Variants in REXO2 observed in about 807,000 individuals in gnomAD.
REXO2 encodes the protein RNA exonuclease 2, also known as oligoribonuclease, mitochondrial.
A neutral mutation model predicts 30.9 loss-of-function variants in REXO2; 17 were observed. The ratio of observed to expected loss-of-function variants is 0.55; its 90% confidence interval spans 0.38 to 0.82. The LOEUF (loss-of-function observed/expected upper bound fraction) is 0.82. Ranked by LOEUF, REXO2 falls within the 40% of genes least tolerant of loss-of-function variation. The pLI is 0.00. For synonymous variants in REXO2, 105 were observed against 99.6 expected (o/e 1.05, Z -0.32); for missense variants, 253 against 293.2 (o/e 0.86, Z 1.00).
chr11:114,440,220 A>G (rs1235817770), intron 1 of REXO2: 1 of 444,438 alleles, frequency 2.3e-6, no homozygotes, highest in Non-Finnish European at 4.5e-6. Context: ...CATGCCCGAA[A>G]CAAGGGCTCC....
At chr11:114,441,803 T>C in intron 2 of REXO2, 1 of 702,100 alleles carries the variant, frequency 1.4e-6, no homozygotes, top group Non-Finnish European at 2.6e-6. Flanking sequence ...GTACCAGGCT[T>C]ATCCTCCCCA....
chr11:114,444,829 A>G (rs1381216488), intron 4 of REXO2, among the ~76,000 whole-genome samples, 177 bp downstream of exon 4: 2 of 152,184 alleles, frequency 1.3e-5, no homozygotes, highest in African/African-American at 2.4e-5. Flanking sequence ...GAGTATTGGG[A>G]AAATGCCCTG....
At chr11:114,446,933 CTT>C (rs539152554) in intron 5 of REXO2, among the ~76,000 whole-genome samples, 9,685 of 92,936 alleles carry the variant, frequency 0.1, 98 homozygotes, top group Middle Eastern at 0.24. Flanking sequence ...AGAAAGGAGG[CTT>C]TTTTTTTTTT....
intron 3 of REXO2, 38 bp from the exon 4 acceptor site, chr11:114,444,503 T>G: frequency 2.8e-6 from 4 of 1,429,096 alleles, no homozygotes; most frequent in Non-Finnish European, 3.9e-6. Flanking sequence ...TGACTTTACA[T>G]GTGTTTTTGG....
chr11:114,443,085 C>T (rs1477965897), intron 2 of REXO2, among the ~76,000 whole-genome samples: 3 of 150,910 alleles, frequency 2.0e-5, no homozygotes, highest in Non-Finnish European at 4.4e-5. Context: ...CATGGTTTTG[C>T]AATTGTTTTT....
intron 2 of REXO2, among the ~76,000 whole-genome samples, chr11:114,443,287 T>G (rs1414029573): frequency 6.6e-6 from 1 of 151,284 alleles, no homozygotes; most frequent in Non-Finnish European, 1.5e-5. Flanking sequence ...TTTTTTTTTT[T>G]TTTTTAATTT....
chr11:114,440,848 G>C (rs1159282733), intron 2 of REXO2, 109 bp downstream of exon 2: 5 of 815,450 alleles, frequency 6.1e-6, no homozygotes, highest in Non-Finnish European at 9.9e-6. Flanking sequence ...AGGTCTATAT[G>C]GGTTAAGGTA....
At chr11:114,448,233 T>TA in intron 6 of REXO2, among the ~76,000 whole-genome samples, 1 of 152,354 alleles carries the variant, frequency 6.6e-6, no homozygotes, top group South Asian at 2.1e-4. Flanking sequence ...TGCAATTCTA[T>TA]AATACAGTTG....
intron 1 of REXO2, chr11:114,440,043 C>G: frequency 8.3e-6 from 4 of 483,580 alleles, no homozygotes; most frequent in South Asian, 6.6e-5. Flanking sequence ...TTAAAGGACC[C>G]TAGGTTGTTA....
At chr11:114,447,322 G>A (rs183702864) in intron 5 of REXO2, among the ~76,000 whole-genome samples, 1 of 152,194 alleles carries the variant, frequency 6.6e-6, no homozygotes, top group Non-Finnish European at 1.5e-5. Context: ...ATGTGAGAGG[G>A]TCAGTTGACA....
In REXO2 at chr11:114,440,528, CT is replaced by C. The variant is rs1946469369; in HGVS notation, c.148-125del. On this transcript the variant is annotated intron_variant, in intron 1 of 6. Transcript: ENST00000265881. Reference sequence around the variant, plus strand: ...CTTCAGTAGTTGCCCGAGGAGCATTCTTTCTCTTCTGTTTCGGCTATGGATT... The same window carrying C: ...CTTCAGTAGTTGCCCGAGGAGCATTCTTCTCTTCTGTTTCGGCTATGGATT... 7.3e-6 allele frequency: 5 copies of C among 680,364 alleles called. No individual in the cohort carries two copies. In the East Asian group the frequency reaches 1.3e-4, roughly 18 times the overall value. 42.1% of individuals were successfully genotyped at this position (680,364 alleles called of 1,614,324 possible). A position where few individuals can be genotyped will look rare whatever the true frequency, so the allele number is the denominator to read the frequency against.
Position 114,444,629 on chromosome 11 carries a change from C to T in REXO2, c.398C>T (p.Pro133Leu). 6.3e-7 allele frequency: 1 copy of T among 1,595,922 alleles called. No individual in the cohort carries two copies. Among genetic ancestry groups the T allele is most frequent in the Non-Finnish European group, 8.5e-7 (1 of 1,173,300 alleles). ...EFLSFVRQQT[P>L]PGLCPLAGNS... ...CTGTCCTTTGTACGACAGCAGACTC[C>T]TCCAGGGCTCTGTCCACTTGCAGGT... The change falls in exon 4 of 7, where the codon CCT becomes CTT. Residue 133 changes from proline to leucine, a missense_variant. By Grantham distance (98) the Pro-to-Leu change is moderately conservative. Coordinates refer to ENST00000265881, the MANE Select transcript of REXO2 (RefSeq NM_015523.4).
At position 114,449,995 on chromosome 11, in the gene REXO2, A is replaced by G. The variant is rs1946535367; in HGVS notation, c.*20A>G. On this transcript the variant is annotated 3_prime_UTR_variant, in exon 7 of 7. Transcript: ENST00000265881. ...AGTTGATGCCAGTTATCATGCTGCC[A>G]CTACATCGTTATCTGGAGGCAACTT... The G allele has an allele frequency of 6.3e-7, 1 of 1,575,802 alleles. No individual in the cohort carries two copies. The highest frequency in any genetic ancestry group is 8.6e-7 in the Non-Finnish European group (1 of 1,163,692).
At chr11:114,444,097 G>T (rs1946497223) in intron 3 of REXO2, 164 bp downstream of exon 3, 5 of 684,436 alleles carry the variant, frequency 7.3e-6, no homozygotes, top group Non-Finnish European at 1.1e-5. Flanking sequence ...TTCATCTTTG[G>T]GACCTCTCGA....
intron 1 of REXO2, chr11:114,440,237 C>T (rs990978123): frequency 9.3e-6 from 4 of 432,420 alleles, no homozygotes; most frequent in African/African-American, 6.1e-5. Flanking sequence ...CTCCTCCCAC[C>T]GTTGAGCCTC....
Position 114,450,125 on chromosome 11 carries a change from T to C in REXO2, c.*150T>C, listed in dbSNP as rs1469135183. The C allele has an allele frequency of 2.9e-6, 2 of 689,386 alleles. No homozygotes were observed. The highest frequency in any genetic ancestry group is 3.7e-5 in the African/African-American group (2 of 54,306). The allele number at this position is 689,386 out of a possible 1,614,324, so 42.7% of individuals were successfully genotyped here. A position where few individuals can be genotyped will look rare whatever the true frequency, so the allele number is the denominator to read the frequency against. ...CAGACAGCACACGAAATACTATTTT[T>C]CTCCTAATATGCTGTTTCCATTATG... On this transcript the variant is annotated 3_prime_UTR_variant, in exon 7 of 7. Transcript: ENST00000265881.
intron 1 of REXO2, chr11:114,440,130 G>A (rs1267071940): frequency 4.3e-6 from 2 of 464,740 alleles, no homozygotes; most frequent in Non-Finnish European, 8.6e-6. Context: ...CCACAGAAAG[G>A]ATTCAACTCA....
chr11:114,450,199 A>G lies in REXO2; in HGVS notation c.*224A>G, dbSNP rs1946536759. The G allele has an allele frequency of 6.8e-6, 2 of 292,150 alleles. No homozygotes were observed. The highest frequency in any genetic ancestry group is 7.6e-5 in the East Asian group (1 of 13,142). The allele number at this position is 292,150 out of a possible 1,614,324, so 18.1% of individuals were successfully genotyped here. On this transcript the variant is annotated 3_prime_UTR_variant, in exon 7 of 7. Transcript: ENST00000265881. Reference sequence around the variant, plus strand: ...CCAGGTCATGTCCATCCCTTGGTACATATATGCATTTGCTTTTAAACCATT... The same window carrying G: ...CCAGGTCATGTCCATCCCTTGGTACGTATATGCATTTGCTTTTAAACCATT...
intron 2 of REXO2, among the ~76,000 whole-genome samples, chr11:114,441,551 A>C (rs1453660431): frequency 6.6e-6 from 1 of 152,192 alleles, no homozygotes; most frequent in Non-Finnish European, 1.5e-5. Flanking sequence ...GAAATCCCTG[A>C]CCCTGAATAA....
Sources: gnomAD v4.1 joint callset for allele counts (sites outside exome capture counted in the v4.1 genomes callset) on GRCh38, gnomAD v4.1.1 for gene constraint, MANE v1.5 for transcripts, NCBI Gene and HGNC (gene_info 2026-07-23, HGNC 2026-07-21) for gene names.